Variants in RAB27A observed in about 807,000 individuals in gnomAD.
RAB27A encodes RAB27A, member RAS oncogene family.
RAB27A carries 17 observed loss-of-function variants against 20.8 expected under a neutral mutation model. The observed-to-expected ratio is 0.82, with a 90% CI of 0.56 to 1.23. The LOEUF is 1.23. Among genes scored for constraint, RAB27A ranks in the 50% most tolerant of loss-of-function variants. The pLI is 0.00. For missense variants in RAB27A, 277 were observed against 266.7 expected, an observed-to-expected ratio of 1.04 and a Z score of -0.27; for synonymous variants, 85 against 92.8, an observed-to-expected ratio of 0.92 and a Z score of 0.48.
chr15:55,241,439 T>C (rs1282745026), intron 2 of RAB27A, among the ~76,000 whole-genome samples: 1 of 151,806 alleles, frequency 6.6e-6, no homozygotes, highest in Admixed American at 6.6e-5. Context: ...CAACATGTAC[T>C]ATGTGGTGTT....
At chr15:55,287,081 C>T (rs535008775) in intron 1 of RAB27A, among the ~76,000 whole-genome samples, 16 of 151,726 alleles carry the variant, frequency 1.1e-4, no homozygotes, top group East Asian at 7.8e-4. Context: ...CACCACGCCC[C>T]GCTAATTTTT....
chr15:55,306,341 T>C (rs1417163623), intron 2 of RAB27A, among the ~76,000 whole-genome samples: 1 of 152,162 alleles, frequency 6.6e-6, no homozygotes, highest in Non-Finnish European at 1.5e-5. Context: ...AGTAGGGTTT[T>C]GGGCCGAGAC....
chr15:55,208,652 C>T (rs1894769364), intron 6 of RAB27A, among the ~76,000 whole-genome samples: 1 of 84,782 alleles, frequency 1.2e-5, no homozygotes, highest in Non-Finnish European at 2.2e-5. Flanking sequence ...GGAAATCTTT[C>T]CCACAAGTCC....
Position 55,285,069 on chromosome 15 carries a change from A to G in RAB27A, c.-143+4647T>C, listed in dbSNP as rs73413686. 3.4e-3 allele frequency among the ~76,000 whole-genome samples: 512 copies of G among 152,366 alleles called. 1 individual carries two copies. Among genetic ancestry groups the G allele is most frequent in the African/African-American group, 0.012 (484 of 41,580 alleles). ...ACATCCAGTTAAATGTGCATTTTGG[A>G]TAAAGAACAATTTTTTAGTAAAAGT... is the stretch of plus-strand genomic sequence containing the variant. On this transcript the variant is annotated intron_variant, in intron 1 of 6. Coordinates refer to ENST00000336787, the MANE Select transcript of RAB27A (RefSeq NM_183235.3).
chr15:55,269,469 G>A (rs781189190), intron 2 of RAB27A, among the ~76,000 whole-genome samples: 4 of 152,108 alleles, frequency 2.6e-5, no homozygotes, highest in Admixed American at 6.5e-5. Context: ...CTTTTAGGCC[G>A]GGCACGGTGG....
intron 6 of RAB27A, among the ~76,000 whole-genome samples, chr15:55,217,857 A>G (rs1213648824): frequency 6.6e-6 from 1 of 152,002 alleles, no homozygotes; most frequent in Non-Finnish European, 1.5e-5. Flanking sequence ...GTGGCCACTT[A>G]AAGGCCATTT....
chr15:55,213,067 T>C (rs1440777324), intron 6 of RAB27A, among the ~76,000 whole-genome samples: 2 of 152,216 alleles, frequency 1.3e-5, no homozygotes, highest in East Asian at 1.9e-4. Context: ...CGTGATAACA[T>C]TGTATTTCCT....
intron 3 of RAB27A, among the ~76,000 whole-genome samples, chr15:55,231,484 C>T (rs568954527): frequency 6.6e-6 from 1 of 152,258 alleles, no homozygotes; most frequent in African/African-American, 2.4e-5. Flanking sequence ...TTAACAAAGA[C>T]TTGCAACATT....
At chr15:55,241,089 C>T (rs1249238155) in intron 2 of RAB27A, among the ~76,000 whole-genome samples, 1 of 152,118 alleles carries the variant, frequency 6.6e-6, no homozygotes, top group Non-Finnish European at 1.5e-5. Flanking sequence ...AATCTGGCTT[C>T]CAAGGGTCAA....
At chr15:55,270,731 G>A (rs1209897775) in intron 1 of RAB27A, 1 of 152,242 alleles carries the variant, frequency 6.6e-6, no homozygotes, top group African/African-American at 2.4e-5. Flanking sequence ...GGAAGTGGCA[G>A]GAGGGATGGG....
chr15:55,246,539 C>T (rs1410020952), intron 2 of RAB27A, among the ~76,000 whole-genome samples: 1 of 150,902 alleles, frequency 6.6e-6, no homozygotes, highest in Non-Finnish European at 1.5e-5. Flanking sequence ...AAAGTAAATT[C>T]ACCAAAACAC....
intron 2 of RAB27A, among the ~76,000 whole-genome samples, chr15:55,312,115 C>T (rs1257986164): frequency 6.6e-6 from 1 of 152,212 alleles, no homozygotes. Context: ...CTTAGCCGTG[C>T]AGGAACAATG....
intron 2 of RAB27A, among the ~76,000 whole-genome samples, chr15:55,251,639 T>C (rs1045400487): frequency 1.3e-5 from 2 of 152,158 alleles, no homozygotes; most frequent in African/African-American, 4.8e-5. Context: ...GAAATGTTGG[T>C]ATAGCAACTT....
At chr15:55,254,600 T>A (rs1409555520) in intron 2 of RAB27A, among the ~76,000 whole-genome samples, 3 of 152,170 alleles carry the variant, frequency 2.0e-5, no homozygotes, top group African/African-American at 7.2e-5. Flanking sequence ...TGTGAAAAAT[T>A]CTGAGACAGG....
At chr15:55,207,297 C>T (rs1380345194) in intron 6 of RAB27A, among the ~76,000 whole-genome samples, 1 of 152,172 alleles carries the variant, frequency 6.6e-6, no homozygotes, top group East Asian at 1.9e-4. Context: ...CCTGGGTATA[C>T]ATCTAAAGCA....
At chr15:55,205,838 AC>A (rs2140892350) in intron 6 of RAB27A, 133 bp from the exon 7 acceptor site, 1 of 851,202 alleles carries the variant, frequency 1.2e-6, no homozygotes, top group African/African-American at 1.7e-5. Context: ...ACCCCAGAGT[AC>A]ATTAAAAAGT....
chr15:55,262,693 C>T (rs1897320135), intron 2 of RAB27A, among the ~76,000 whole-genome samples: 1 of 146,500 alleles, frequency 6.8e-6, no homozygotes, highest in South Asian at 2.1e-4. Flanking sequence ...AGTGCAATGG[C>T]ACAATCACAG....
chr15:55,217,524 G>A (rs530753398), intron 6 of RAB27A, among the ~76,000 whole-genome samples: 3 of 151,534 alleles, frequency 2.0e-5, no homozygotes, highest in African/African-American at 7.3e-5. Flanking sequence ...AATTAGCTGG[G>A]CACAGTGGTG....
intron 6 of RAB27A, among the ~76,000 whole-genome samples, chr15:55,207,119 G>C (rs1947396621): frequency 6.6e-6 from 1 of 152,102 alleles, no homozygotes; most frequent in Non-Finnish European, 1.5e-5. Context: ...CATCAGATTG[G>C]CAAAAATATA....
Sources: allele counts gnomAD v4.1 joint callset (sites outside exome capture counted in the v4.1 genomes callset), GRCh38; gene constraint gnomAD v4.1.1; transcripts MANE v1.5; gene names NCBI Gene and HGNC (gene_info 2026-07-23, HGNC 2026-07-21).